Variants in TAS2R42 observed in about 807,000 individuals in gnomAD.
The protein encoded by TAS2R42 is taste 2 receptor member 42.
For synonymous variants in TAS2R42, 138 were observed against 133.0 expected, an observed-to-expected ratio of 1.04 and a Z score of -0.26; for missense variants, 356 against 356.9, an observed-to-expected ratio of 1.00 and a Z score of 0.02.
chr12:11,186,255 G>GC, the TAS2R42 span: 1 of 1,613,996 alleles, frequency 6.2e-7, no homozygotes, highest in South Asian at 1.1e-5. Context: ...CCTCCTATGG[G>GC]CCTCTGTGCT....
the TAS2R42 span, chr12:11,186,634 AG>A: frequency 2.5e-5 from 40 of 1,614,010 alleles, no homozygotes; most frequent in Admixed American, 3.3e-5. Flanking sequence ...ATGCTTAGGC[AG>A]GTGGCAAGCC....
At position 11,186,511 on chromosome 12, in the gene TAS2R42, A is replaced by T. The variant is rs1228337852; in HGVS notation, c.427T>A (p.Phe143Ile). 2.5e-6 allele frequency: 4 copies of T among 1,613,714 alleles called. No individual in the cohort carries two copies. The South Asian group carries it at 4.4e-5, about 18-fold the overall frequency. The change falls in exon 1 of 1, where the codon TTT (phenylalanine) becomes ATT (isoleucine). Residue 143 changes from phenylalanine (F) to isoleucine (I), a missense_variant. Physicochemically the swap from Phe to Ile is conservative, Grantham distance 21 (BLOSUM62 0). Coordinates refer to ENST00000334266, the MANE Select transcript of TAS2R42 (RefSeq NM_181429.2). ...LLILSLFLLIFDSLVLEIFID... is the reference protein window; with the variant it reads ...LLILSLFLLIIDSLVLEIFID... ...AATATTTCTAGCACTAAACTGTCAA[A>T]AATCAGTAAGAACAAAGACAATATA...
At position 11,186,133 on chromosome 12, in the gene TAS2R42, C is replaced by A. The variant is rs1948021358; in HGVS notation, c.805G>T (p.Val269Phe). The A allele has an allele frequency of 1.2e-6, 2 of 1,613,766 alleles. No individual in the cohort carries two copies. The highest frequency in any genetic ancestry group is 2.7e-5 in the African/African-American group (2 of 74,878). The change falls in exon 1 of 1, where the codon GTC (valine) becomes TTC (phenylalanine). Residue 269 changes from valine to phenylalanine, a missense_variant. Physicochemically the swap from Val to Phe is conservative, Grantham distance 50. Transcript: ENST00000334266. Reference protein sequence around the residue: ...MLWNNKCIKFVMLALNAFPSC... With the variant: ...MLWNNKCIKFFMLALNAFPSC... ...GGAAAGGCATTTAAGGCTAACATGA[C>A]AAACTTTATGCACTTGTTGTTCCAC...
Position 11,186,547 on chromosome 12 carries a change from C to T in TAS2R42, c.391G>A (p.Val131Ile), listed in dbSNP as rs752965825. 2 of 1,613,648 alleles carry T rather than the reference C, an allele frequency of 1.2e-6. No individual in the cohort carries two copies. Among genetic ancestry groups the T allele is most frequent in the South Asian group, 1.1e-5 (1 of 91,018 alleles). Reference protein sequence around the residue: ...WLRWRMNGMIVMLLILSLFLL... With the variant: ...WLRWRMNGMIIMLLILSLFLL... ...AACAAAGACAATATAAGAAGCATAACAATCATTCCGTTCATCCTCCACCTC... is the reference window on the plus strand; with the variant it reads ...AACAAAGACAATATAAGAAGCATAATAATCATTCCGTTCATCCTCCACCTC... Residue 131 changes from valine to isoleucine, a missense_variant, in exon 1 of 1, where the codon GTT becomes ATT. Val to Ile is a conservative substitution (Grantham distance 29, BLOSUM62 3). Transcript: ENST00000334266.
Position 11,186,843 on chromosome 12 carries a change from C to T in TAS2R42, c.95G>A (p.Cys32Tyr), listed in dbSNP as rs1565739269. The stretch of plus-strand genomic sequence containing the variant: ...CTTTTGGTTCTTGATCCCTTCAGAG[C>T]AGTTTACCAGTCCAATGAACACATT... The part of the protein sequence containing the change: ...LGNVFIGLVN[C>Y]SEGIKNQKVF... The change falls in exon 1 of 1, where the codon TGC becomes TAC. Residue 32 changes from cysteine (C) to tyrosine (Y), a missense_variant. Cys to Tyr is a radical substitution (Grantham distance 194). Coordinates refer to ENST00000334266, the MANE Select transcript of TAS2R42 (RefSeq NM_181429.2). 1 of 1,614,002 alleles carries T rather than the reference C, an allele frequency of 6.2e-7. No individual in the cohort carries two copies. Among genetic ancestry groups the T allele is most frequent in the Non-Finnish European group, 8.5e-7 (1 of 1,179,942 alleles).
chr12:11,186,365 G>C lies in TAS2R42; in HGVS notation c.573C>G (p.Ile191Met). ...LKTLLSLTSF[I>M]PFSLFLTSLL... is the part of the protein sequence containing the mutation. ...AGGAGGTCAGGAACAGAGAAAAGGG[G>C]ATAAAACTGGTCAAGCTGAGAAGAG... The change falls in exon 1 of 1, where the codon ATC becomes ATG. Residue 191 changes from isoleucine (I) to methionine (M), a missense_variant. Coordinates refer to ENST00000334266, the MANE Select transcript of TAS2R42 (RefSeq NM_181429.2). 6.2e-7 allele frequency: 1 copy of C among 1,611,352 alleles called. No homozygotes were observed. The highest frequency in any genetic ancestry group is 1.7e-5 in the Admixed American group (1 of 59,880).
At chr12:11,186,002 T>TC in the TAS2R42 span, 1 of 1,596,204 alleles carries the variant, frequency 6.3e-7, no homozygotes, top group South Asian at 1.1e-5. Flanking sequence ...TCTACAAAGG[T>TC]AAAGGGTTTG....
Position 11,186,188 on chromosome 12 carries a change from T to C in TAS2R42, c.750A>G (p.Leu250=), listed in dbSNP as rs1321198853. The change falls in exon 1 of 1, where the codon TTA becomes TTG. Residue 250 remains leucine (L), a synonymous_variant. Coordinates refer to ENST00000334266, the MANE Select transcript of TAS2R42 (RefSeq NM_181429.2). Reference sequence around the variant, plus strand: ...TAAAAAATATCCAATTGGCCACTTGTAAGGAAAAAAAATGAACTATGAAGA... The same window carrying C: ...TAAAAAATATCCAATTGGCCACTTGCAAGGAAAAAAAATGAACTATGAAGA... ...LFLFIVHFFS[L]QVANWIFFML... is the part of the protein sequence containing the mutation. The C allele has an allele frequency of 6.2e-7, 1 of 1,612,916 alleles. No individual in the cohort carries two copies. Among genetic ancestry groups the C allele is most frequent in the Non-Finnish European group, 8.5e-7 (1 of 1,179,622 alleles).
At chr12:11,186,805 C>CAGCT in the TAS2R42 span, 1 of 1,614,058 alleles carries the variant, frequency 6.2e-7, no homozygotes, top group South Asian at 1.1e-5. Context: ...AGGATGAAGT[C>CAGCT]AGCTGAGAAG....
At chr12:11,186,299 AT>A in the TAS2R42 span, 2 of 1,614,106 alleles carry the variant, frequency 1.2e-6, no homozygotes, top group Non-Finnish European at 8.5e-7. Context: ...TGAGCTTCAA[AT>A]TTCTAGTATG....
Position 11,186,503 on chromosome 12 carries a change from A to C in TAS2R42, c.435T>G (p.Ser145Arg). The change falls in exon 1 of 1, where the codon AGT (serine) becomes AGG (arginine). Residue 145 changes from serine to arginine, a missense_variant. Coordinates refer to ENST00000334266, the MANE Select transcript of TAS2R42 (RefSeq NM_181429.2). ...TATCAATAAATATTTCTAGCACTAA[A>C]CTGTCAAAAATCAGTAAGAACAAAG... ...ILSLFLLIFDSLVLEIFIDIS... is the reference protein window; with the variant it reads ...ILSLFLLIFDRLVLEIFIDIS... 6.2e-7 allele frequency: 1 copy of C among 1,613,566 alleles called. No homozygotes were observed. Among genetic ancestry groups the C allele is most frequent in the Non-Finnish European group, 8.5e-7 (1 of 1,179,790 alleles).
Position 11,186,071 on chromosome 12 carries a change from G to C in TAS2R42, c.867C>G (p.Ser289Arg), listed in dbSNP as rs1463606660. 6.2e-7 allele frequency: 1 copy of C among 1,614,024 alleles called. No homozygotes were observed. The highest frequency in any genetic ancestry group is 2.2e-5 in the East Asian group (1 of 44,874). Residue 289 changes from serine to arginine, a missense_variant, in exon 1 of 1, where the codon AGC becomes AGG. Physicochemically the swap from Ser to Arg is moderately radical, Grantham distance 110 (BLOSUM62 -1). Transcript: ENST00000334266. ...GCCTCACAGCTGTCTGTTGCAGCTT[G>C]CTGTTTCCCAGAATGAGAATAAATG... is the stretch of plus-strand genomic sequence containing the variant. The part of the protein sequence containing the change: ...CHSFILILGN[S>R]KLQQTAVRLL...
rs749886968 is a variant in TAS2R42 at position 11,186,142 on chromosome 12, T to C, written c.796A>G (p.Ile266Val). The C allele has an allele frequency of 3.1e-6, 5 of 1,613,982 alleles. No homozygotes were observed. The highest frequency in any genetic ancestry group is 4.2e-6 in the Non-Finnish European group (5 of 1,179,914). Reference sequence around the variant, plus strand: ...TTTAAGGCTAACATGACAAACTTTATGCACTTGTTGTTCCACAACATAAAA... The same window carrying C: ...TTTAAGGCTAACATGACAAACTTTACGCACTTGTTGTTCCACAACATAAAA... ...IFFMLWNNKC[I>V]KFVMLALNAF... is the part of the protein sequence containing the mutation. The change falls in exon 1 of 1, where the codon ATA becomes GTA. Residue 266 changes from isoleucine to valine, a missense_variant. Physicochemically the swap from Ile to Val is conservative, Grantham distance 29. Coordinates refer to ENST00000334266, the MANE Select transcript of TAS2R42 (RefSeq NM_181429.2).
Position 11,186,303 on chromosome 12 carries a change from C to A in TAS2R42, c.635G>T (p.Arg212Ile), listed in dbSNP as rs1366017864. Residue 212 changes from arginine to isoleucine, a missense_variant, in exon 1 of 1, where the codon AGA (arginine) becomes ATA (isoleucine). Physicochemically the swap from Arg to Ile is moderately conservative, Grantham distance 97. Transcript: ENST00000334266. ...GCCCAAGGAACTGAGCTTCAAATTT[C>A]TAGTATGTCTCACCAAGGACAGAAA... ...FLFLSLVRHT[R>I]NLKLSSLGSR... The A allele has an allele frequency of 1.9e-6, 3 of 1,613,922 alleles. No homozygotes were observed. The highest frequency in any genetic ancestry group is 2.2e-5 in the South Asian group (2 of 91,060).
chr12:11,186,449 A>G lies in TAS2R42; in HGVS notation c.489T>C (p.Asn163=), dbSNP rs1472207647. ...TACTTTCATCTAAATATAAAGTCAG[A>G]TTACTTTTATCTATTATATTGAGTG... ...DISLNIIDKS[N]LTLYLDESKT... The change falls in exon 1 of 1, where the codon AAT becomes AAC. Residue 163 remains asparagine (N), a synonymous_variant. Transcript: ENST00000334266. 2 of 1,605,078 alleles carry G rather than the reference A, an allele frequency of 1.2e-6. No individual in the cohort carries two copies. Among genetic ancestry groups the G allele is most frequent in the Admixed American group, 3.4e-5 (2 of 58,312 alleles).
chr12:11,186,107 G>A lies in TAS2R42; in HGVS notation c.831C>T (p.Pro277=). ...GAATGAGAATAAATGAGTGGCACGA[G>A]GGAAAGGCATTTAAGGCTAACATGA... ...KFVMLALNAF[P]SCHSFILILG... The change falls in exon 1 of 1, where the codon CCC becomes CCT. Residue 277 remains proline (P), a synonymous_variant. Coordinates refer to ENST00000334266, the MANE Select transcript of TAS2R42 (RefSeq NM_181429.2). 6.2e-7 allele frequency: 1 copy of A among 1,613,952 alleles called. No individual in the cohort carries two copies. Among genetic ancestry groups the A allele is most frequent in the Non-Finnish European group, 8.5e-7 (1 of 1,179,914 alleles).
rs749447578 is a variant in TAS2R42, at chr12:11,186,374, G to A, written c.564C>T (p.Thr188=). Residue 188 remains threonine, a synonymous_variant, in exon 1 of 1, where the codon ACC becomes ACT. Transcript: ENST00000334266. ...LSILKTLLSL[T]SFIPFSLFLT... is the part of the protein sequence containing the mutation. ...GGAACAGAGAAAAGGGGATAAAACT[G>A]GTCAAGCTGAGAAGAGTTTTTAAAA... The A allele has an allele frequency of 6.2e-5, 100 of 1,610,068 alleles. No individual in the cohort carries two copies. The highest frequency in any genetic ancestry group is 8.2e-5 in the Non-Finnish European group (97 of 1,177,092).
rs1181264920 is a variant in TAS2R42, at chr12:11,186,271, C to A, written c.667G>T (p.Asp223Tyr). The change falls in exon 1 of 1, where the codon GAC becomes TAC. Residue 223 changes from aspartate (D) to tyrosine (Y), a missense_variant. By Grantham distance (160) the Asp-to-Tyr change is radical (BLOSUM62 -3). Coordinates refer to ENST00000334266, the MANE Select transcript of TAS2R42 (RefSeq NM_181429.2). ...NLKLSSLGSR[D>Y]SSTEAHRRAM... The stretch of plus-strand genomic sequence containing the variant: ...CTCCTATGGGCCTCTGTGCTGGAGT[C>A]TCTAGAGCCCAAGGAACTGAGCTTC... 6.2e-7 allele frequency: 1 copy of A among 1,614,016 alleles called. No homozygotes were observed. The highest frequency in any genetic ancestry group is 2.2e-5 in the East Asian group (1 of 44,882).
rs143153026 is a variant in TAS2R42, at chr12:11,186,896, T to C, written c.42A>G (p.Ile14Met). The C allele has an allele frequency of 3.7e-6, 6 of 1,613,574 alleles. No homozygotes were observed. In the East Asian group the frequency reaches 1.3e-4, roughly 36 times the overall value. Reference sequence around the variant, plus strand: ...CCAGCATGCTGATGATGAATTCTGCTATTGCCAGAATCAGAAAGATTTTGT... The same window carrying C: ...CCAGCATGCTGATGATGAATTCTGCCATTGCCAGAATCAGAAAGATTTTGT... ...ELDKIFLILA[I>M]AEFIISMLGN... Residue 14 changes from isoleucine (I) to methionine (M), a missense_variant, in exon 1 of 1, where the codon ATA (isoleucine) becomes ATG (methionine). Physicochemically the swap from Ile to Met is conservative, Grantham distance 10. Coordinates refer to ENST00000334266, the MANE Select transcript of TAS2R42 (RefSeq NM_181429.2).
Sources: allele counts gnomAD v4.1 joint callset, GRCh38; gene constraint gnomAD v4.1.1; transcripts MANE v1.5; gene names NCBI Gene and HGNC (gene_info 2026-07-23, HGNC 2026-07-21).